The following EMC2 variants were observed in gnomAD, a reference collection of about 807,000 sequenced individuals.
EMC2 encodes TPR repeat protein 35.
A neutral mutation model predicts 51.6 loss-of-function variants in EMC2; 37 were observed. The observed-to-expected ratio is 0.72, with a 90% confidence interval of 0.55 to 0.94. The LOEUF is 0.94. EMC2 is among the 40% of genes least tolerant of loss of function. The pLI, the probability that EMC2 is intolerant of heterozygous loss-of-function variation, is 0.00. For synonymous variants in EMC2, 131 were observed against 112.4 expected, an observed-to-expected ratio of 1.17 and a Z score of -1.04; for missense variants, 359 against 350.9, an observed-to-expected ratio of 1.02 and a Z score of -0.18.
intron 7 of EMC2, chr8:108,475,333 T>A (rs1434189060): frequency 1.3e-5 from 2 of 152,080 alleles, no homozygotes; most frequent in Non-Finnish European, 2.9e-5. Context: ...TGATCTGTTT[T>A]TCATGGGCTT....
chr8:108,447,402 A>G (rs1260868531), intron 1 of EMC2, among the ~76,000 whole-genome samples: 2 of 152,210 alleles, frequency 1.3e-5, no homozygotes, highest in Non-Finnish European at 2.9e-5. Flanking sequence ...CCTGCAGCCA[A>G]TCTGACTAGA....
At chr8:108,468,260 G>A (rs976830733) in intron 5 of EMC2, among the ~76,000 whole-genome samples, 1 of 152,154 alleles carries the variant, frequency 6.6e-6, no homozygotes. Flanking sequence ...TAGGGTTTGA[G>A]TTACTTTCAG....
At chr8:108,484,111 T>C (rs1462063007) in intron 10 of EMC2, among the ~76,000 whole-genome samples, 2 of 152,152 alleles carry the variant, frequency 1.3e-5, no homozygotes, top group Admixed American at 1.3e-4. Context: ...TTAATGCACA[T>C]GAAAAACTTT....
intron 6 of EMC2, 27 bp from the exon 7 acceptor site, chr8:108,470,035 T>TA (rs1267934492): frequency 1.2e-6 from 2 of 1,604,368 alleles, no homozygotes; most frequent in East Asian, 4.5e-5. Context: ...TCTACACACT[T>TA]ACTTTTTTTT....
chr8:108,463,172 A>G (rs536408326), intron 5 of EMC2, among the ~76,000 whole-genome samples: 23 of 152,214 alleles, frequency 1.5e-4, no homozygotes, highest in Admixed American at 1.3e-4. Context: ...AGAATGGAGT[A>G]TGAAGTCAAA....
At chr8:108,459,952 T>C (rs556172738) in intron 5 of EMC2, among the ~76,000 whole-genome samples, 7 of 152,324 alleles carry the variant, frequency 4.6e-5, no homozygotes, top group African/African-American at 1.4e-4. Context: ...TTTCCTAATC[T>C]AACAATTCTA....
chr8:108,460,546 GAA>G (rs1819293981), intron 5 of EMC2, among the ~76,000 whole-genome samples: 1 of 152,138 alleles, frequency 6.6e-6, no homozygotes, highest in Admixed American at 6.5e-5. Context: ...AAAACACAAT[GAA>G]AACTTTGTTT....
chr8:108,443,820 A>C, intron 1 of EMC2, 122 bp downstream of exon 1: 1 of 821,544 alleles, frequency 1.2e-6, no homozygotes, highest in Admixed American at 2.2e-5. Flanking sequence ...CCCTCACTGT[A>C]CGGGCCAAGC....
At chr8:108,449,304 T>C (rs1818959707) in intron 1 of EMC2, among the ~76,000 whole-genome samples, 1 of 150,158 alleles carries the variant, frequency 6.7e-6, no homozygotes, top group South Asian at 2.1e-4. Context: ...GACAAAGTCT[T>C]GCTTTGTCAC....
rs924683254 is a variant in EMC2 at position 108,486,832 on chromosome 8, C to G, written c.*234C>G. 4 of 364,814 alleles carry G rather than the reference C, an allele frequency of 1.1e-5. No individual in the cohort carries two copies. The highest frequency in any genetic ancestry group is 8.8e-5 in the East Asian group (2 of 22,662). The allele number at this position is 364,814 out of a possible 1,614,324, so 22.6% of individuals were successfully genotyped here. A position where few individuals can be genotyped will look rare whatever the true frequency, so the allele number is the denominator to read the frequency against. On this transcript the variant is annotated 3_prime_UTR_variant, in exon 11 of 11. Transcript: ENST00000220853. ...AGACTTATTGATTGTACATCAGTCT[C>G]TTCATATCACATATACATGTATATA...
chr8:108,472,915 C>T (rs1810883179), intron 7 of EMC2, among the ~76,000 whole-genome samples: 1 of 151,926 alleles, frequency 6.6e-6, no homozygotes, highest in Non-Finnish European at 1.5e-5. Flanking sequence ...GAGTCTACAA[C>T]ATTTCCCAGG....
At position 108,469,860 on chromosome 8, in the gene EMC2, C is replaced by G. The variant is rs748726090; in HGVS notation, c.398C>G (p.Ala133Gly). Residue 133 changes from alanine (A) to glycine (G), a missense_variant, in exon 6 of 11, where the codon GCC becomes GGC. Ala to Gly is a moderately conservative substitution (Grantham distance 60). Coordinates refer to ENST00000220853, the MANE Select transcript of EMC2 (RefSeq NM_014673.5). Reference protein sequence around the residue: ...ARKRKIAIRKAQGKNVEAIRE... With the variant: ...ARKRKIAIRKGQGKNVEAIRE... ...AAGCGTAAGATTGCCATTCGAAAAGCCCAGGGGAAAAATGTGGAGGCCATT... is the reference window on the plus strand; with the variant it reads ...AAGCGTAAGATTGCCATTCGAAAAGGCCAGGGGAAAAATGTGGAGGCCATT... 6.2e-7 allele frequency: 1 copy of G among 1,613,410 alleles called. No individual in the cohort carries two copies. Among genetic ancestry groups the G allele is most frequent in the Non-Finnish European group, 8.5e-7 (1 of 1,179,538 alleles).
intron 4 of EMC2, among the ~76,000 whole-genome samples, 167 bp downstream of exon 4, chr8:108,453,314 T>C (rs1819074583): frequency 1.3e-5 from 2 of 152,180 alleles, no homozygotes; most frequent in South Asian, 4.1e-4. Context: ...TCATGTTTGC[T>C]TAGATATTCA....
chr8:108,458,894 T>A (rs918430728), intron 5 of EMC2, among the ~76,000 whole-genome samples: 3 of 152,226 alleles, frequency 2.0e-5, no homozygotes, highest in Admixed American at 6.5e-5. Flanking sequence ...GCAAATTTTC[T>A]GAACTTGCCC....
chr8:108,481,127 C>A (rs1811037731), intron 10 of EMC2, among the ~76,000 whole-genome samples: 1 of 151,938 alleles, frequency 6.6e-6, no homozygotes, highest in Non-Finnish European at 1.5e-5. Context: ...TTGACTGTTA[C>A]CTAGTTTTTT....
chr8:108,457,665 C>T (rs1586180019), intron 5 of EMC2, among the ~76,000 whole-genome samples: 1 of 152,086 alleles, frequency 6.6e-6, no homozygotes, highest in East Asian at 1.9e-4. Flanking sequence ...CAGGAGATAC[C>T]CGCCCCCATA....
At chr8:108,465,771 T>C (rs1819451414) in intron 5 of EMC2, among the ~76,000 whole-genome samples, 1 of 152,224 alleles carries the variant, frequency 6.6e-6, no homozygotes, top group South Asian at 2.1e-4. Context: ...TATTAGCATT[T>C]ATTAAGGGAT....
chr8:108,464,912 G>C (rs1462523995), intron 5 of EMC2, among the ~76,000 whole-genome samples: 1 of 152,124 alleles, frequency 6.6e-6, no homozygotes, highest in Admixed American at 6.5e-5. Context: ...ATAAACCTTG[G>C]GGGCAGGGAA....
chr8:108,453,700 T>C (rs10094953), intron 4 of EMC2, among the ~76,000 whole-genome samples: 103,972 of 151,980 alleles, frequency 0.68, 36,132 homozygotes, highest in African/African-American at 0.81. Context: ...ATTTTTCTTT[T>C]TGCCGTCTTT....
Sources: allele counts gnomAD v4.1 joint callset (sites outside exome capture counted in the v4.1 genomes callset), GRCh38; gene constraint gnomAD v4.1.1; transcripts MANE v1.5; gene names NCBI Gene and HGNC (gene_info 2026-07-23, HGNC 2026-07-21).